The following PCDH15 variants were observed in gnomAD, a reference collection of about 807,000 sequenced individuals.
PCDH15 encodes protocadherin-15.
A neutral mutation model predicts 178.5 loss-of-function variants in PCDH15; 129 were observed. The ratio of observed to expected loss-of-function variants is 0.72; its 90% CI spans 0.63 to 0.84. The LOEUF is 0.84. Among genes scored for constraint, PCDH15 ranks in the 40% least tolerant of loss-of-function variants. The pLI is 0.00. For synonymous variants in PCDH15, 800 were observed against 732.0 expected (o/e 1.09, Z -1.50); for missense variants, 2,230 against 2,099.9 (o/e 1.06, Z -1.21).
chr10:54,518,107 C>T, intron 3 of PCDH15, among the ~76,000 whole-genome samples: 1 of 152,088 alleles, frequency 6.6e-6, no homozygotes, highest in Non-Finnish European at 1.5e-5. Flanking sequence ...AAAGAGAAAG[C>T]AGGAAAGATC....
chr10:54,807,615 C>T (rs1952798867), intron 3 of PCDH15, among the ~76,000 whole-genome samples: 1 of 150,574 alleles, frequency 6.6e-6, no homozygotes, highest in Admixed American at 6.6e-5. Context: ...GAGAAGATTA[C>T]CAAGCTAGCC....
intron 8 of PCDH15, among the ~76,000 whole-genome samples, chr10:54,278,364 G>A (rs946182234): frequency 6.6e-6 from 1 of 151,544 alleles, no homozygotes; most frequent in South Asian, 2.1e-4. Context: ...TAAATTTATT[G>A]TATTTTTTGG....
intron 1 of PCDH15, among the ~76,000 whole-genome samples, chr10:54,683,401 T>G (rs1469043305): frequency 6.6e-6 from 1 of 152,044 alleles, no homozygotes; most frequent in African/African-American, 2.4e-5. Context: ...TCTATTAATT[T>G]GACTATTCTG....
Position 54,062,227 on chromosome 10 carries a change from C to CA in PCDH15, c.2220+4529dup, listed in dbSNP as rs72361686. On this transcript the variant is annotated intron_variant, in intron 18 of 37. Transcript: ENST00000644397. Reference sequence around the variant, plus strand: ...GGGTGACAAGAGTGAGATTCTGTCTCAAAAAAAAAAAAAAAAAAAAAAAAA... The same window carrying CA: ...GGGTGACAAGAGTGAGATTCTGTCTCAAAAAAAAAAAAAAAAAAAAAAAAAA... Among the ~76,000 whole-genome samples, 437 of 53,696 alleles carry CA rather than the reference C, an allele frequency of 8.1e-3. 25 individuals carry two copies. The highest frequency in any genetic ancestry group is 0.026 in the African/African-American group (271 of 10,420). The allele number at this position is 53,696 out of a possible 152,430, so 35.2% of individuals were successfully genotyped here.
intron 2 of PCDH15, among the ~76,000 whole-genome samples, chr10:55,325,804 A>C (rs2132304432): frequency 6.6e-6 from 1 of 152,292 alleles, no homozygotes. Flanking sequence ...CTAAACAGAC[A>C]ACCTACAGAA....
chr10:55,212,103 T>A (rs1307722869), intron 1 of PCDH15, among the ~76,000 whole-genome samples: 1 of 152,080 alleles, frequency 6.6e-6, no homozygotes, highest in Non-Finnish European at 1.5e-5. Flanking sequence ...TTTTTGTTGT[T>A]ACCACATGCA....
intron 5 of PCDH15, among the ~76,000 whole-genome samples, chr10:54,355,645 T>C (rs895978765): frequency 9.9e-5 from 15 of 152,158 alleles, no homozygotes; most frequent in African/African-American, 2.9e-4. Flanking sequence ...ATAAATTATT[T>C]TGGGCCCTAA....
chr10:54,965,308 G>C (rs898655553), intron 2 of PCDH15, among the ~76,000 whole-genome samples: 2 of 152,078 alleles, frequency 1.3e-5, no homozygotes, highest in African/African-American at 2.4e-5. Context: ...GGAACCAGTG[G>C]GAGGTAACTG....
chr10:54,279,369 T>C (rs1182529081), intron 8 of PCDH15, among the ~76,000 whole-genome samples: 1 of 151,416 alleles, frequency 6.6e-6, no homozygotes, highest in Non-Finnish European at 1.5e-5. Flanking sequence ...TTATTTTAAG[T>C]GTCTCTCAAC....
At chr10:53,964,519 T>A (rs1184752090) in intron 21 of PCDH15, among the ~76,000 whole-genome samples, 1 of 137,544 alleles carries the variant, frequency 7.3e-6, no homozygotes, top group Non-Finnish European at 1.6e-5. Flanking sequence ...AAATTTTATT[T>A]ATAAAAAATT....
intron 2 of PCDH15, among the ~76,000 whole-genome samples, chr10:55,380,519 A>C (rs1240956981): frequency 6.6e-6 from 1 of 152,170 alleles, no homozygotes; most frequent in East Asian, 1.9e-4. Flanking sequence ...GTTTGCTGAA[A>C]AGTATTATAA....
intron 33 of PCDH15, chr10:53,818,466 C>T (rs188911336): frequency 6.6e-6 from 1 of 152,104 alleles, no homozygotes; most frequent in African/African-American, 2.4e-5. Flanking sequence ...ATATATTCTT[C>T]CAAATGATTG....
At chr10:54,028,343 C>G (rs1156786348) in intron 18 of PCDH15, among the ~76,000 whole-genome samples, 28 of 148,298 alleles carry the variant, frequency 1.9e-4, no homozygotes, top group African/African-American at 4.0e-4. Flanking sequence ...GTTGGTGGGA[C>G]TGTAAACTAG....
At chr10:54,699,355 C>A (rs934633447) in intron 1 of PCDH15, among the ~76,000 whole-genome samples, 2 of 151,948 alleles carry the variant, frequency 1.3e-5, no homozygotes, top group African/African-American at 2.4e-5. Context: ...GAATAAAAGT[C>A]ATCAAAATAT....
At chr10:54,192,438 CA>C (rs2049130395) in intron 11 of PCDH15, among the ~76,000 whole-genome samples, 1 of 151,724 alleles carries the variant, frequency 6.6e-6, no homozygotes, top group African/African-American at 2.4e-5. Context: ...AATTAGGGGA[CA>C]AAATAGGAAG....
chr10:55,244,572 T>C lies in PCDH15; in HGVS notation c.-156+75027A>G, dbSNP rs1301167446. ...GTTCTGTGTGTAACAACTGAACTTA[T>C]ACACACACACACACACACACAAACA... On this transcript the variant is annotated intron_variant, in intron 1 of 5. Coordinates refer to the PCDH15 transcript ENST00000458638. 3.0e-5 allele frequency among the ~76,000 whole-genome samples: 4 copies of C among 131,270 alleles called. No homozygotes were observed. The East Asian group carries it at 6.2e-4, about 20-fold the overall frequency. The allele number at this position is 131,270 out of a possible 152,430, so 86.1% of individuals were successfully genotyped here. A position where few individuals can be genotyped will look rare whatever the true frequency, so the allele number is the denominator to read the frequency against.
intron 3 of PCDH15, among the ~76,000 whole-genome samples, chr10:54,382,555 T>C (rs1949371885): frequency 6.6e-6 from 1 of 152,220 alleles, no homozygotes; most frequent in African/African-American, 2.4e-5. Flanking sequence ...TATGTTTCTA[T>C]TTCCCATGTA....
At chr10:54,679,308 G>C (rs1420253466) in intron 1 of PCDH15, among the ~76,000 whole-genome samples, 1 of 151,610 alleles carries the variant, frequency 6.6e-6, no homozygotes, top group East Asian at 1.9e-4. Flanking sequence ...GTATTGAAGA[G>C]AAAAACAATT....
At chr10:53,922,752 A>C (rs2084104731) in intron 25 of PCDH15, among the ~76,000 whole-genome samples, 1 of 152,196 alleles carries the variant, frequency 6.6e-6, no homozygotes, top group African/African-American at 2.4e-5. Context: ...CTGAACCACT[A>C]AACTGGTTAA....
Sources: allele counts gnomAD v4.1 joint callset (sites outside exome capture counted in the v4.1 genomes callset), GRCh38; gene constraint gnomAD v4.1.1; transcripts MANE v1.5; gene names NCBI Gene and HGNC (gene_info 2026-07-23, HGNC 2026-07-21).